Variants in GSPT1 observed in about 807,000 individuals in gnomAD.
GSPT1 encodes G1 to S phase transition 1, also known as eukaryotic peptide chain release factor GTP-binding subunit ERF3A.
GSPT1 carries 20 observed loss-of-function variants against 72.5 expected under a neutral mutation model. The observed-to-expected ratio is 0.28, with a 90% confidence interval of 0.19 to 0.40. The LOEUF is 0.40. Among genes scored for constraint, GSPT1 ranks in the 10% least tolerant of loss-of-function variants. The probability of loss-of-function intolerance (pLI) is 1.00; values close to 1 mark genes in which losing one functional copy is unlikely to be tolerated. For missense variants in GSPT1, 580 were observed against 811.9 expected (o/e 0.71, Z 3.47); for synonymous variants, 334 against 293.5 (o/e 1.14, Z -1.41).
rs1157449109 is a variant in GSPT1, at chr16:11,898,009, G to C, written c.379C>G (p.Gln127Glu). ...AAPVESSQEE[Q>E]SLCEGSNSAV... The stretch of plus-strand genomic sequence containing the variant: ...ACATCATTACCTTCACACAATGACT[G>C]TTCCTCTTGAGAGGATTCCACAGGT... Residue 127 changes from glutamine to glutamate, a missense_variant, in exon 2 of 15, where the codon CAG becomes GAG. Around this residue, in one of 6 missense-constraint regions of GSPT1, gnomAD observed 327 missense variants for 298.8 expected, o/e 1.09. Transcript: ENST00000434724. 1.3e-6 allele frequency: 2 copies of C among 1,550,882 alleles called. No homozygotes were observed. The highest frequency in any genetic ancestry group is 1.7e-6 in the Non-Finnish European group (2 of 1,144,302).
chr16:11,901,346 G>C (rs1343939054), intron 1 of GSPT1, among the ~76,000 whole-genome samples: 8 of 152,130 alleles, frequency 5.3e-5, no homozygotes, highest in South Asian at 4.1e-4. Flanking sequence ...GATGATTAGG[G>C]TGTAATTTCT....
chr16:11,877,668 A>AAG lies in GSPT1; in HGVS notation c.1429-90_1429-89dup. The AAG allele has an allele frequency of 2.7e-6, 2 of 750,616 alleles. No individual in the cohort carries two copies. The highest frequency in any genetic ancestry group is 4.1e-6 in the Non-Finnish European group (2 of 486,600). The allele number at this position is 750,616 out of a possible 1,614,324, so 46.5% of individuals were successfully genotyped here. ...GATCTGAATGTCTGTCTGCTCAATA[A>AAG]AGAGTTGCAAGATTTGACTGTAAAC... On this transcript the variant is annotated intron_variant, in intron 11 of 14. Transcript: ENST00000434724. The surrounding 1 kb of genome is among the most constrained non-coding windows in gnomAD (Gnocchi z 4.0).
chr16:11,882,877 T>G (rs1407836575), intron 11 of GSPT1, 138 bp downstream of exon 11: 15 of 598,566 alleles, frequency 2.5e-5, no homozygotes, highest in Non-Finnish European at 4.5e-5. Context: ...GTGGCAGGAT[T>G]GCTTGAAAGT....
intron 5 of GSPT1, 63 bp from the exon 6 acceptor site, chr16:11,891,202 G>A (rs1288080724): frequency 4.8e-6 from 4 of 827,710 alleles, no homozygotes; most frequent in Non-Finnish European, 7.4e-6. Flanking sequence ...GTGGAATTAG[G>A]AAAACGTGAA....
Position 11,915,622 on chromosome 16 carries a change from C to A in GSPT1, c.99G>T (p.Gln33His). ...CCGGCCCGGGGGCTTCCATGTCCGC[C>A]TGGTCCCAGCAGTCAGGCGCCGAGT... ...SSDSAPDCWD[Q>H]ADMEAPGPGP... is the part of the protein sequence containing the mutation. The change falls in exon 1 of 15, where the codon CAG (glutamine) becomes CAT (histidine). Residue 33 changes from glutamine to histidine, a missense_variant. By Grantham distance (24) the Gln-to-His change is conservative. Transcript: ENST00000434724. 1 of 1,493,044 alleles carries A rather than the reference C, an allele frequency of 6.7e-7. No homozygotes were observed. Among genetic ancestry groups the A allele is most frequent in the Admixed American group, 2.3e-5 (1 of 43,214 alleles). The allele number at this position is 1,493,044 out of a possible 1,614,324, so 92.5% of individuals were successfully genotyped here.
intron 1 of GSPT1, among the ~76,000 whole-genome samples, chr16:11,913,434 G>A (rs752477424): frequency 6.6e-6 from 1 of 152,158 alleles, no homozygotes; most frequent in Non-Finnish European, 1.5e-5. Flanking sequence ...ACAGGTTTTC[G>A]CATCTCCAAT....
intron 11 of GSPT1, among the ~76,000 whole-genome samples, chr16:11,878,110 T>C (rs987377276): frequency 4.6e-5 from 7 of 152,162 alleles, no homozygotes; most frequent in African/African-American, 7.2e-5. Context: ...GATGGCTGCA[T>C]AGCATTGTTA....
rs2054065327 is a variant in GSPT1, at chr16:11,877,666, T to C, written c.1429-86A>G. 7.7e-6 allele frequency: 6 copies of C among 781,718 alleles called. No individual in the cohort carries two copies. Among genetic ancestry groups the C allele is most frequent in the Admixed American group, 3.6e-5 (1 of 28,014 alleles). 48.4% of individuals were successfully genotyped at this position (781,718 alleles called of 1,614,324 possible). On this transcript the variant is annotated intron_variant, in intron 11 of 14. Coordinates refer to ENST00000434724, the MANE Select transcript of GSPT1 (RefSeq NM_002094.4). The surrounding 1 kb of genome is among the most constrained non-coding windows in gnomAD (Gnocchi z 4.0). ...ATGATCTGAATGTCTGTCTGCTCAA[T>C]AAAGAGTTGCAAGATTTGACTGTAA...
At chr16:11,880,923 G>A (rs1441556324) in intron 11 of GSPT1, among the ~76,000 whole-genome samples, 1 of 152,178 alleles carries the variant, frequency 6.6e-6, no homozygotes, top group African/African-American at 2.4e-5. Context: ...ATTTGAGACG[G>A]AGTCTCGCAC....
At chr16:11,899,494 G>T (rs1026297649) in intron 1 of GSPT1, among the ~76,000 whole-genome samples, 2 of 152,040 alleles carry the variant, frequency 1.3e-5, no homozygotes, top group African/African-American at 2.4e-5. Context: ...CAACTAGGAG[G>T]GGATGGGGGC....
chr16:11,905,382 C>T (rs946396311), intron 1 of GSPT1, among the ~76,000 whole-genome samples: 1 of 152,152 alleles, frequency 6.6e-6, no homozygotes, highest in African/African-American at 2.4e-5. Flanking sequence ...TTCTCGATTA[C>T]ACTTTGGATA....
chr16:11,910,767 T>C (rs2150892671), intron 1 of GSPT1, among the ~76,000 whole-genome samples: 1 of 152,280 alleles, frequency 6.6e-6, no homozygotes, highest in East Asian at 1.9e-4. Context: ...AGGTAAAAAA[T>C]AAAGAACAGA....
intron 1 of GSPT1, among the ~76,000 whole-genome samples, chr16:11,911,001 C>G (rs1039388062): frequency 1.1e-4 from 17 of 152,240 alleles, no homozygotes; most frequent in African/African-American, 4.1e-4. Context: ...GGAGAAGTAA[C>G]GAAAGGCAGT....
rs756935431 is a variant in GSPT1, at chr16:11,915,496, G to A, written c.225C>T (p.Pro75=). Residue 75 remains proline (P), a synonymous_variant, in exon 1 of 15, where the codon CCC becomes CCT. Coordinates refer to ENST00000434724, the MANE Select transcript of GSPT1 (RefSeq NM_002094.4). ...CGGCGGCGTGGACGTTGGGCACGAAGGGCTTGGCGTTGACGTTGAGTTGCC... is the reference window on the plus strand; with the variant it reads ...CGGCGGCGTGGACGTTGGGCACGAAAGGCTTGGCGTTGACGTTGAGTTGCC... ...FSRQLNVNAK[P]FVPNVHAAEF... 3.2e-6 allele frequency: 5 copies of A among 1,550,314 alleles called. No individual in the cohort carries two copies. Among genetic ancestry groups the A allele is most frequent in the East Asian group, 2.6e-5 (1 of 38,046 alleles).
intron 1 of GSPT1, among the ~76,000 whole-genome samples, chr16:11,905,571 G>A (rs1216919477): frequency 3.3e-5 from 5 of 152,086 alleles, no homozygotes; most frequent in African/African-American, 7.2e-5. Context: ...GCTCACACCT[G>A]TACCTGTAAT....
At chr16:11,887,357 G>C (rs975775855) in intron 7 of GSPT1, among the ~76,000 whole-genome samples, 1 of 152,132 alleles carries the variant, frequency 6.6e-6, no homozygotes, top group Admixed American at 6.6e-5. Flanking sequence ...ATAGATAATA[G>C]CAACAGGAGA....
rs539196368 is a variant in GSPT1, at chr16:11,904,348, G to A, written c.353-6313C>T. On this transcript the variant is annotated intron_variant, in intron 1 of 14. Transcript: ENST00000434724. ...CTCCCGAGTAGCTGGGACTACAGGCGCGCGCCACCACGCCTGGGTAATTTT... is the reference window on the plus strand; with the variant it reads ...CTCCCGAGTAGCTGGGACTACAGGCACGCGCCACCACGCCTGGGTAATTTT... 2.2e-3 allele frequency among the ~76,000 whole-genome samples: 334 copies of A among 152,150 alleles called. 3 individuals are homozygous for A. Among genetic ancestry groups the A allele is most frequent in the African/African-American group, 7.6e-3 (316 of 41,510 alleles).
chr16:11,875,860 C>A lies in GSPT1; in HGVS notation c.1762G>T (p.Asp588Tyr). ...SKTRPRFVKQ[D>Y]QVCIARLRTA... The stretch of plus-strand genomic sequence containing the variant: ...CTTAAGCGAGCAATGCATACTTGAT[C>A]TTGTTTGACAAAACGGGGTCGGGTC... The change falls in exon 14 of 15, where the codon GAT becomes TAT. Residue 588 changes from aspartate to tyrosine, a missense_variant. By Grantham distance (160) the Asp-to-Tyr change is radical. This residue lies in a region of GSPT1 where 120 missense variants were observed against 242.5 expected (regional missense o/e 0.49). Coordinates refer to ENST00000434724, the MANE Select transcript of GSPT1 (RefSeq NM_002094.4). 1.2e-6 allele frequency: 2 copies of A among 1,613,796 alleles called. No homozygotes were observed. The highest frequency in any genetic ancestry group is 1.7e-6 in the Non-Finnish European group (2 of 1,179,820).
In GSPT1 at chr16:11,915,917, C is replaced by T. The variant is rs544357999; in HGVS notation, c.-197G>A. The T allele has an allele frequency of 1.7e-4, 139 of 805,000 alleles. 2 individuals carry two copies. Among genetic ancestry groups the T allele is most frequent in the South Asian group, 1.7e-3 (129 of 74,724 alleles). The allele number at this position is 805,000 out of a possible 1,614,324, so 49.9% of individuals were successfully genotyped here. A position where few individuals can be genotyped will look rare whatever the true frequency, so the allele number is the denominator to read the frequency against. On this transcript the variant is annotated 5_prime_UTR_variant, in exon 1 of 15. Coordinates refer to ENST00000434724, the MANE Select transcript of GSPT1 (RefSeq NM_002094.4). ...ACACTCGCGACGACGACAGAGGCGG[C>T]GGCGGCGGCAGCTCAACCCTCCTCC...
Sources: allele counts gnomAD v4.1 joint callset (sites outside exome capture counted in the v4.1 genomes callset), GRCh38; gene constraint gnomAD v4.1.1; regional missense constraint gnomAD v4.1.1; non-coding constraint Gnocchi (gnomAD v3.1); transcripts MANE v1.5; gene names NCBI Gene and HGNC (gene_info 2026-07-23, HGNC 2026-07-21).